Variants in SOX11 observed in about 807,000 individuals in gnomAD.
SOX11 encodes the protein transcription factor SOX-11.
Under a neutral mutation model 16.7 loss-of-function variants are expected in SOX11, and 5 were observed. The observed-to-expected ratio is 0.30, with a 90% CI of 0.16 to 0.63. The LOEUF (loss-of-function observed/expected upper bound fraction) is 0.63, where lower values mean the gene tolerates loss of function less well. Among genes scored for constraint, SOX11 ranks in the 20% least tolerant of loss-of-function variants. The pLI, the probability that SOX11 is intolerant of heterozygous loss-of-function variation, is 0.82. For synonymous variants in SOX11, 363 were observed against 298.8 expected (o/e 1.21, Z -2.22); for missense variants, 492 against 641.5 (o/e 0.77, Z 2.52).
In SOX11 at chr2:5,698,641, C is replaced by A. The variant is rs764183905; in HGVS notation, c.*4594C>A. 1 of 166,768 alleles carries A rather than the reference C, an allele frequency of 6.0e-6. No individual in the cohort carries two copies. The highest frequency in any genetic ancestry group is 1.5e-5 in the Non-Finnish European group (1 of 68,080). The allele number at this position is 166,768 out of a possible 1,614,324, so 10.3% of individuals were successfully genotyped here. A position where few individuals can be genotyped will look rare whatever the true frequency, so the allele number is the denominator to read the frequency against. On this transcript the variant is annotated 3_prime_UTR_variant, in exon 1 of 1. Coordinates refer to ENST00000322002, the MANE Select transcript of SOX11 (RefSeq NM_003108.4). ...GTTATGAATGACTACAGACACTGGGCAAATTATTTGTAGAATGATTATCCT... is the reference window on the plus strand; with the variant it reads ...GTTATGAATGACTACAGACACTGGGAAAATTATTTGTAGAATGATTATCCT...
rs2103280622 is a variant in SOX11, at chr2:5,698,252, A to T, written c.*4205A>T. 1 of 167,164 alleles carries T rather than the reference A, an allele frequency of 6.0e-6. No homozygotes were observed. The highest frequency in any genetic ancestry group is 1.9e-4 in the East Asian group (1 of 5,188). The allele number at this position is 167,164 out of a possible 1,614,324, so 10.4% of individuals were successfully genotyped here. A position where few individuals can be genotyped will look rare whatever the true frequency, so the allele number is the denominator to read the frequency against. Reference sequence around the variant, plus strand: ...ATACACATGGTATTCTTGCCACTGGATAGTCTTCAATAAAAGTTTAATTGA... The same window carrying T: ...ATACACATGGTATTCTTGCCACTGGTTAGTCTTCAATAAAAGTTTAATTGA... On this transcript the variant is annotated 3_prime_UTR_variant, in exon 1 of 1. Transcript: ENST00000322002.
rs546128219 is a variant in SOX11 at position 5,700,924 on chromosome 2, G to A, written c.*6877G>A. 2 of 166,128 alleles carry A rather than the reference G, an allele frequency of 1.2e-5. No individual in the cohort carries two copies. Among genetic ancestry groups the A allele is most frequent in the African/African-American group, 2.4e-5 (1 of 41,354 alleles). The allele number at this position is 166,128 out of a possible 1,614,324, so 10.3% of individuals were successfully genotyped here. On this transcript the variant is annotated 3_prime_UTR_variant, in exon 1 of 1. Transcript: ENST00000322002. ...TTGTGTAGAAGTCTGAGTGGTTTGT[G>A]GGGGGGACCTTTTTTAGAGTTTGCA...
Position 5,700,420 on chromosome 2 carries a change from C to CAAA in SOX11, c.*6385_*6387dup, listed in dbSNP as rs201271298. The CAAA allele has an allele frequency of 1.0e-4, 14 of 135,728 alleles. No individual in the cohort carries two copies. Among genetic ancestry groups the CAAA allele is most frequent in the East Asian group, 4.5e-4 (2 of 4,486 alleles). 8.4% of individuals were successfully genotyped at this position (135,728 alleles called of 1,614,324 possible). A position where few individuals can be genotyped will look rare whatever the true frequency, so the allele number is the denominator to read the frequency against. On this transcript the variant is annotated 3_prime_UTR_variant, in exon 1 of 1. Transcript: ENST00000322002. ...CTTAGACACGTTACATTTCCCCTTC[C>CAAA]AAAAAAAAAAAAAAGGACAACTGGA... is the stretch of plus-strand genomic sequence containing the variant.
At position 5,697,046 on chromosome 2, in the gene SOX11, G is replaced by A. The variant is rs918657059; in HGVS notation, c.*2999G>A. The A allele has an allele frequency of 1.3e-5, 2 of 157,098 alleles. No individual in the cohort carries two copies. Among genetic ancestry groups the A allele is most frequent in the African/African-American group, 4.8e-5 (2 of 41,336 alleles). The allele number at this position is 157,098 out of a possible 1,614,324, so 9.7% of individuals were successfully genotyped here. A position where few individuals can be genotyped will look rare whatever the true frequency, so the allele number is the denominator to read the frequency against. The stretch of plus-strand genomic sequence containing the variant: ...GACCGGCCTGTGTCCCCGAGCCCTC[G>A]CGGCAGGCCCGAGCAGGCGATCGCG... On this transcript the variant is annotated 3_prime_UTR_variant, in exon 1 of 1. Transcript: ENST00000322002.
Position 5,693,955 on chromosome 2 carries a change from G to C in SOX11, c.1234G>C (p.Glu412Gln). ...FSEGSLGSHF[E>Q]FPDYCTPELS... Reference sequence around the variant, plus strand: ...CGAGGGCAGCCTGGGCTCCCACTTCGAGTTCCCCGACTACTGCACGCCGGA... The same window carrying C: ...CGAGGGCAGCCTGGGCTCCCACTTCCAGTTCCCCGACTACTGCACGCCGGA... Residue 412 changes from glutamate (E) to glutamine (Q), a missense_variant, in exon 1 of 1, where the codon GAG becomes CAG. By Grantham distance (29) the Glu-to-Gln change is conservative. Coordinates refer to ENST00000322002, the MANE Select transcript of SOX11 (RefSeq NM_003108.4). The surrounding 1 kb of genome is among the most constrained non-coding windows in gnomAD (Gnocchi z 8.6). 2 of 1,551,598 alleles carry C rather than the reference G, an allele frequency of 1.3e-6. No individual in the cohort carries two copies. Among genetic ancestry groups the C allele is most frequent in the Non-Finnish European group, 1.7e-6 (2 of 1,147,014 alleles).
Position 5,694,117 on chromosome 2 carries a change from GTGATGATGATGATGATAA to G in SOX11, c.*85_*102del. The G allele has an allele frequency of 1.4e-6, 2 of 1,445,472 alleles. No individual in the cohort carries two copies. The highest frequency in any genetic ancestry group is 1.8e-6 in the Non-Finnish European group (2 of 1,092,236). 89.5% of individuals were successfully genotyped at this position (1,445,472 alleles called of 1,614,324 possible). On this transcript the variant is annotated 3_prime_UTR_variant, in exon 1 of 1. Transcript: ENST00000322002. ...GGTTCCTTGGGAGGAAGTTGTAGTG[GTGATGATGATGATGATAA>G]TGATGATGATGATGGTGGTGTTGAT...
chr2:5,692,551 A>C lies in SOX11; in HGVS notation c.-171A>C. 1 of 503,060 alleles carries C rather than the reference A, an allele frequency of 2.0e-6. No homozygotes were observed. Among genetic ancestry groups the C allele is most frequent in the Non-Finnish European group, 3.2e-6 (1 of 315,874 alleles). The allele number at this position is 503,060 out of a possible 1,614,324, so 31.2% of individuals were successfully genotyped here. The stretch of plus-strand genomic sequence containing the variant: ...CGGCCGTCGTCGCCGAAGCCACCAC[A>C]GCCGCTGTGTGCAGCCTGGAAGGGG... On this transcript the variant is annotated 5_prime_UTR_variant, in exon 1 of 1. Transcript: ENST00000322002.
chr2:5,696,018 G>T lies in SOX11; in HGVS notation c.*1971G>T, dbSNP rs1665721784. Reference sequence around the variant, plus strand: ...TGGGTTGCCAGCTCCCTTGGTCGGGGTCCTGCTCGCTGGGGCTTGTGTGTT... The same window carrying T: ...TGGGTTGCCAGCTCCCTTGGTCGGGTTCCTGCTCGCTGGGGCTTGTGTGTT... On this transcript the variant is annotated 3_prime_UTR_variant, in exon 1 of 1. Transcript: ENST00000322002. 6.0e-6 allele frequency: 1 copy of T among 166,100 alleles called. No homozygotes were observed. The highest frequency in any genetic ancestry group is 6.5e-5 in the Admixed American group (1 of 15,294). 10.3% of individuals were successfully genotyped at this position (166,100 alleles called of 1,614,324 possible).
In SOX11 at chr2:5,699,641, T is replaced by G. The variant is rs1665800161; in HGVS notation, c.*5594T>G. ...TTGCCCCTTCCTGTGGAGCCTACAT[T>G]TTCAACCACAATAAAGATGAAACAA... is the stretch of plus-strand genomic sequence containing the variant. On this transcript the variant is annotated 3_prime_UTR_variant, in exon 1 of 1. Transcript: ENST00000322002. 1 of 166,446 alleles carries G rather than the reference T, an allele frequency of 6.0e-6. No homozygotes were observed. Among genetic ancestry groups the G allele is most frequent in the Non-Finnish European group, 1.5e-5 (1 of 68,078 alleles). The allele number at this position is 166,446 out of a possible 1,614,324, so 10.3% of individuals were successfully genotyped here.
In SOX11 at chr2:5,695,089, T is replaced by G. The variant is rs1248298601; in HGVS notation, c.*1042T>G. The G allele has an allele frequency of 6.0e-6, 1 of 166,876 alleles. No individual in the cohort carries two copies. Among genetic ancestry groups the G allele is most frequent in the Non-Finnish European group, 1.5e-5 (1 of 68,028 alleles). 10.3% of individuals were successfully genotyped at this position (166,876 alleles called of 1,614,324 possible). A position where few individuals can be genotyped will look rare whatever the true frequency, so the allele number is the denominator to read the frequency against. On this transcript the variant is annotated 3_prime_UTR_variant, in exon 1 of 1. Coordinates refer to ENST00000322002, the MANE Select transcript of SOX11 (RefSeq NM_003108.4). ...AGACTTTCAGGCACTTCTTCCCTTT[T>G]GATTTCTTTTTTTTCCTCTGTTTTT...
Position 5,692,522 on chromosome 2 carries a change from C to G in SOX11, c.-200C>G, listed in dbSNP as rs1665650216. The G allele has an allele frequency of 2.2e-6, 1 of 457,414 alleles. No individual in the cohort carries two copies. The allele number at this position is 457,414 out of a possible 1,614,324, so 28.3% of individuals were successfully genotyped here. On this transcript the variant is annotated 5_prime_UTR_variant, in exon 1 of 1. Coordinates refer to ENST00000322002, the MANE Select transcript of SOX11 (RefSeq NM_003108.4). Reference sequence around the variant, plus strand: ...TGTCGCGACCGCAGCTCCCACCGCGCCGGCGGCCGTCGTCGCCGAAGCCAC... The same window carrying G: ...TGTCGCGACCGCAGCTCCCACCGCGGCGGCGGCCGTCGTCGCCGAAGCCAC...
rs1311045948 is a variant in SOX11, at chr2:5,701,045, A to G, written c.*6998A>G. 2 of 166,848 alleles carry G rather than the reference A, an allele frequency of 1.2e-5. No homozygotes were observed. Among genetic ancestry groups the G allele is most frequent in the Non-Finnish European group, 2.9e-5 (2 of 68,112 alleles). The allele number at this position is 166,848 out of a possible 1,614,324, so 10.3% of individuals were successfully genotyped here. ...GAAGTGTTTGATAGCACTAGGGGGG[A>G]AAGAAAATGCATGGCAAAGTTTCGT... is the stretch of plus-strand genomic sequence containing the variant. On this transcript the variant is annotated 3_prime_UTR_variant, in exon 1 of 1. Transcript: ENST00000322002.
At position 5,694,167 on chromosome 2, in the gene SOX11, G is replaced by T. The variant is rs965028956; in HGVS notation, c.*120G>T. The T allele has an allele frequency of 3.9e-6, 5 of 1,285,712 alleles. No homozygotes were observed. The highest frequency in any genetic ancestry group is 3.1e-6 in the Non-Finnish European group (3 of 955,090). 79.6% of individuals were successfully genotyped at this position (1,285,712 alleles called of 1,614,324 possible). On this transcript the variant is annotated 3_prime_UTR_variant, in exon 1 of 1. Coordinates refer to ENST00000322002, the MANE Select transcript of SOX11 (RefSeq NM_003108.4). ...TGATGATGGTGGTGTTGATGGTGGC[G>T]GTGGTAGGGTGGAGGGGAGAGAAGA...
At position 5,693,598 on chromosome 2, in the gene SOX11, C is replaced by T; in HGVS notation, c.877C>T (p.Leu293Phe). The change falls in exon 1 of 1, where the codon CTC becomes TTC. Residue 293 changes from leucine (L) to phenylalanine (F), a missense_variant. By Grantham distance (22) the Leu-to-Phe change is conservative (BLOSUM62 0). Transcript: ENST00000322002. The surrounding 1 kb of genome is among the most constrained non-coding windows in gnomAD (Gnocchi z 8.6). The part of the protein sequence containing the change: ...SSAESPEGAS[L>F]YDEVRAGATS... ...GGCGGAGTCCCCCGAGGGAGCGAGC[C>T]TCTACGACGAGGTGCGGGCCGGCGC... 6.4e-7 allele frequency: 1 copy of T among 1,564,628 alleles called. No homozygotes were observed.
In SOX11 at chr2:5,694,937, C is replaced by G; in HGVS notation, c.*890C>G. The G allele has an allele frequency of 1.2e-5, 2 of 166,576 alleles. No individual in the cohort carries two copies. 10.3% of individuals were successfully genotyped at this position (166,576 alleles called of 1,614,324 possible). ...TGATTGAATACCAGACAGCCTAGAC[C>G]TCAGTACAAAAGGTATTGAAACATT... On this transcript the variant is annotated 3_prime_UTR_variant, in exon 1 of 1. Transcript: ENST00000322002.
Position 5,693,912 on chromosome 2 carries a change from G to A in SOX11, c.1191G>A (p.Lys397=), listed in dbSNP as rs1330879266. ...ACCTGTCCCTGTCGCTGGTGGATAAGGATTTGGATTCGTTCAGCGAGGGCA... is the reference window on the plus strand; with the variant it reads ...ACCTGTCCCTGTCGCTGGTGGATAAAGATTTGGATTCGTTCAGCGAGGGCA... ...AGNLSLSLVD[K]DLDSFSEGSL... is the part of the protein sequence containing the mutation. The change falls in exon 1 of 1, where the codon AAG becomes AAA. Residue 397 remains lysine (K), a synonymous_variant. Coordinates refer to ENST00000322002, the MANE Select transcript of SOX11 (RefSeq NM_003108.4). The surrounding 1 kb of genome is among the most constrained non-coding windows in gnomAD (Gnocchi z 8.6). 7 of 1,551,486 alleles carry A rather than the reference G, an allele frequency of 4.5e-6. No individual in the cohort carries two copies. The highest frequency in any genetic ancestry group is 1.7e-6 in the Non-Finnish European group (2 of 1,147,014).
chr2:5,694,303 CT>C lies in SOX11; in HGVS notation c.*263del. On this transcript the variant is annotated 3_prime_UTR_variant, in exon 1 of 1. Coordinates refer to ENST00000322002, the MANE Select transcript of SOX11 (RefSeq NM_003108.4). ...GTAGTTTTTAAACATTTTTCCTGTC[CT>C]TTTTTTGTCCCCCCTCCCTTCCTTT... 3 of 490,668 alleles carry C rather than the reference CT, an allele frequency of 6.1e-6. No homozygotes were observed. Among genetic ancestry groups the C allele is most frequent in the South Asian group, 5.3e-5 (1 of 19,018 alleles). 30.4% of individuals were successfully genotyped at this position (490,668 alleles called of 1,614,324 possible).
In SOX11 at chr2:5,697,942, T is replaced by C. The variant is rs1665770794; in HGVS notation, c.*3895T>C. The stretch of plus-strand genomic sequence containing the variant: ...CTTTTCTGTTTTAATCATAGATGAA[T>C]CTTGGACATTTTCTGTGGTGAGGTG... On this transcript the variant is annotated 3_prime_UTR_variant, in exon 1 of 1. Coordinates refer to ENST00000322002, the MANE Select transcript of SOX11 (RefSeq NM_003108.4). 6.0e-6 allele frequency: 1 copy of C among 167,136 alleles called. No homozygotes were observed. The highest frequency in any genetic ancestry group is 1.5e-5 in the Non-Finnish European group (1 of 68,126). 10.4% of individuals were successfully genotyped at this position (167,136 alleles called of 1,614,324 possible).
Position 5,699,242 on chromosome 2 carries a change from A to C in SOX11, c.*5195A>C, listed in dbSNP as rs560858446. 6.0e-6 allele frequency: 1 copy of C among 167,010 alleles called. No homozygotes were observed. Among genetic ancestry groups the C allele is most frequent in the South Asian group, 2.1e-4 (1 of 4,834 alleles). The allele number at this position is 167,010 out of a possible 1,614,324, so 10.3% of individuals were successfully genotyped here. On this transcript the variant is annotated 3_prime_UTR_variant, in exon 1 of 1. Coordinates refer to ENST00000322002, the MANE Select transcript of SOX11 (RefSeq NM_003108.4). ...AGTTTACTGAGTTGTCAATTTTATC[A>C]GTAGATAAGAAACTTTCTTTATTAC...
Sources: allele counts gnomAD v4.1 joint callset, GRCh38; gene constraint gnomAD v4.1.1; non-coding constraint Gnocchi (gnomAD v3.1); transcripts MANE v1.5; gene names NCBI Gene and HGNC (gene_info 2026-07-23, HGNC 2026-07-21).